The following GTSF1 variants were observed in gnomAD, a reference collection of about 807,000 sequenced individuals.
GTSF1 encodes the protein gametocyte specific factor 1, also known as gametocyte-specific factor 1.
Under a neutral mutation model 28.9 loss-of-function variants are expected in GTSF1, and 11 were observed. The ratio of observed to expected loss-of-function variants is 0.38; its 90% CI spans 0.24 to 0.63. The LOEUF (loss-of-function observed/expected upper bound fraction) is 0.63. GTSF1 is among the 30% of genes least tolerant of loss of function. The pLI, the probability that GTSF1 is intolerant of heterozygous loss-of-function variation, is 0.56. For missense variants in GTSF1, 146 were observed against 201.0 expected, an observed-to-expected ratio of 0.73 and a Z score of 1.66; for synonymous variants, 69 against 65.6, an observed-to-expected ratio of 1.05 and a Z score of -0.25.
rs780857557 is a variant in GTSF1 at position 54,462,711 on chromosome 12, T to C, written c.259A>G (p.Ser87Gly). ...IEQDVVNQTR[S>G]LRQETLAEST... ...TCAGCCAGAGTCTCTTGTCTAAGGC[T>C]CCTGGTTTGGTTGACTGCAAGACAA... The change falls in exon 5 of 9, where the codon AGC becomes GGC. Residue 87 changes from serine to glycine, a missense_variant. Transcript: ENST00000305879. 6 of 1,613,960 alleles carry C rather than the reference T, an allele frequency of 3.7e-6. No homozygotes were observed. The South Asian group carries it at 5.5e-5, about 15-fold the overall frequency.
At chr12:54,465,225 G>T in intron 2 of GTSF1, 58 bp from the exon 3 acceptor site, 1 of 1,097,544 alleles carries the variant, frequency 9.1e-7, no homozygotes, top group Non-Finnish European at 1.4e-6. Flanking sequence ...TAAAACTACA[G>T]CATTCCAGGC....
At chr12:54,465,625 T>C (rs935594116) in intron 2 of GTSF1, among the ~76,000 whole-genome samples, 1 of 152,036 alleles carries the variant, frequency 6.6e-6, no homozygotes, top group Admixed American at 6.6e-5. Flanking sequence ...CTACCCCCCA[T>C]TTCCACAGGC....
At chr12:54,459,174 C>T (rs1343401228) in intron 7 of GTSF1, 49 bp from the exon 8 acceptor site, 6 of 1,553,080 alleles carry the variant, frequency 3.9e-6, no homozygotes, top group Non-Finnish European at 4.4e-6. Flanking sequence ...AATTGAAATT[C>T]ACTCCATCCC....
At chr12:54,461,772 T>C (rs1298743175) in intron 6 of GTSF1, among the ~76,000 whole-genome samples, 3 of 152,166 alleles carry the variant, frequency 2.0e-5, no homozygotes, top group Non-Finnish European at 4.4e-5. Context: ...TTACCTAAAG[T>C]AAAAATGATC....
chr12:54,468,483 A>T (rs1008929129), intron 2 of GTSF1, among the ~76,000 whole-genome samples: 2 of 152,212 alleles, frequency 1.3e-5, no homozygotes, highest in African/African-American at 4.8e-5. Flanking sequence ...TCTGTGCATT[A>T]AAAGTTGTAA....
rs1173635060 is a variant in GTSF1, at chr12:54,460,478, A to G, written c.393-7T>C. The G allele has an allele frequency of 1.2e-6, 2 of 1,608,068 alleles. No individual in the cohort carries two copies. The highest frequency in any genetic ancestry group is 1.7e-6 in the Non-Finnish European group (2 of 1,174,908). The stretch of plus-strand genomic sequence containing the variant: ...AACTATGTTGCTCGCAGGGCTGCAA[A>G]AAGATGAATTTGGCTATGTCGGCAG... On this transcript the variant is annotated splice_region_variant and splice_polypyrimidine_tract_variant and intron_variant, in intron 6 of 8. Coordinates refer to ENST00000305879, the MANE Select transcript of GTSF1 (RefSeq NM_144594.3).
chr12:54,460,463 C>T lies in GTSF1; in HGVS notation c.401G>A (p.Ser134Asn), dbSNP rs201328932. The change falls in exon 7 of 9, where the codon AGC becomes AAC. Residue 134 changes from serine (S) to asparagine (N), a missense_variant. Ser to Asn is a conservative substitution (Grantham distance 46, BLOSUM62 1). Transcript: ENST00000305879. ...ATTCTTATGTTCTGTAACTATGTTG[C>T]TCGCAGGGCTGCAAAAAGATGAATT... ...THYSDNNSPA[S>N]NIVTEHKNNL... The T allele has an allele frequency of 1.2e-6, 2 of 1,612,274 alleles. No homozygotes were observed. Among genetic ancestry groups the T allele is most frequent in the Admixed American group, 3.3e-5 (2 of 59,982 alleles).
rs186804345 is a variant in GTSF1, at chr12:54,460,466, G to T, written c.398C>A (p.Ala133Glu). 1.2e-6 allele frequency: 2 copies of T among 1,611,550 alleles called. No homozygotes were observed. Among genetic ancestry groups the T allele is most frequent in the Admixed American group, 1.7e-5 (1 of 59,986 alleles). ...CTTATGTTCTGTAACTATGTTGCTCGCAGGGCTGCAAAAAGATGAATTTGG... is the reference window on the plus strand; with the variant it reads ...CTTATGTTCTGTAACTATGTTGCTCTCAGGGCTGCAAAAAGATGAATTTGG... The part of the protein sequence containing the change: ...TTHYSDNNSP[A>E]SNIVTEHKNN... The change falls in exon 7 of 9, where the codon GCG becomes GAG. Residue 133 changes from alanine (A) to glutamate (E), a missense_variant. Ala to Glu is a moderately radical substitution (Grantham distance 107). Coordinates refer to ENST00000305879, the MANE Select transcript of GTSF1 (RefSeq NM_144594.3).
chr12:54,472,648 C>G (rs1310161599), intron 1 of GTSF1: 1 of 152,146 alleles, frequency 6.6e-6, no homozygotes. Flanking sequence ...AGAGCATGCT[C>G]TCCTTTGGCC....
chr12:54,473,498 A>C (rs1226695688), intron 1 of GTSF1, 48 bp downstream of exon 1: 1 of 152,324 alleles, frequency 6.6e-6, no homozygotes, highest in East Asian at 1.9e-4. Context: ...GTATCCCGGT[A>C]CGCAAAATAG....
intron 3 of GTSF1, 30 bp from the exon 4 acceptor site, chr12:54,463,327 G>C (rs1956453734): frequency 6.2e-7 from 1 of 1,612,000 alleles, no homozygotes; most frequent in African/African-American, 1.3e-5. Context: ...GGATCTGTCA[G>C]TTCTCTGGAT....
At chr12:54,457,525 CT>C (rs1024748938) in intron 8 of GTSF1, among the ~76,000 whole-genome samples, 3 of 152,202 alleles carry the variant, frequency 2.0e-5, no homozygotes, top group African/African-American at 7.2e-5. Flanking sequence ...AGCAATCCCC[CT>C]GTCTTGGTCT....
intron 2 of GTSF1, 42 bp from the exon 3 acceptor site, chr12:54,465,209 C>A: frequency 7.3e-7 from 1 of 1,361,494 alleles, no homozygotes; most frequent in Non-Finnish European, 1.1e-6. Context: ...CGATAATAGG[C>A]CCTTGTAAAA....
chr12:54,459,973 G>A (rs947715839), intron 7 of GTSF1, among the ~76,000 whole-genome samples: 3 of 121,924 alleles, frequency 2.5e-5, no homozygotes, highest in Non-Finnish European at 5.3e-5. Flanking sequence ...TGATCCGCCC[G>A]CCTCGGCCTC....
At chr12:54,457,937 ATC>A (rs1956360125) in intron 8 of GTSF1, among the ~76,000 whole-genome samples, 1 of 152,252 alleles carries the variant, frequency 6.6e-6, no homozygotes, top group Non-Finnish European at 1.5e-5. Context: ...AACTTTTAGC[ATC>A]TCTTTTCTGC....
At chr12:54,468,186 G>A (rs1230070827) in intron 2 of GTSF1, among the ~76,000 whole-genome samples, 1 of 152,206 alleles carries the variant, frequency 6.6e-6, no homozygotes, top group African/African-American at 2.4e-5. Flanking sequence ...GGACAGTGCA[G>A]TGGTGCGATC....
intron 7 of GTSF1, chr12:54,459,372 A>G: frequency 7.1e-7 from 1 of 1,415,102 alleles, no homozygotes; most frequent in Non-Finnish European, 9.3e-7. Context: ...GTATCCAGGG[A>G]GAAACGTTTT....
Position 54,473,530 on chromosome 12 carries a change from G to A in GTSF1, c.-30+16C>T, listed in dbSNP as rs1037933619. The A allele has an allele frequency of 7.2e-5, 11 of 152,276 alleles. No homozygotes were observed. The highest frequency in any genetic ancestry group is 1.3e-4 in the Non-Finnish European group (9 of 68,024). 9.4% of individuals were successfully genotyped at this position (152,276 alleles called of 1,614,324 possible). On this transcript the variant is annotated intron_variant, in intron 1 of 8. Coordinates refer to ENST00000305879, the MANE Select transcript of GTSF1 (RefSeq NM_144594.3). ...ATAGGAATTGCTTAGAGGCGCCCCGGGGTGCCTTTCCTTACCTCGGTGGAC... is the reference window on the plus strand; with the variant it reads ...ATAGGAATTGCTTAGAGGCGCCCCGAGGTGCCTTTCCTTACCTCGGTGGAC...
chr12:54,468,540 AAT>A (rs1458239989), intron 2 of GTSF1, among the ~76,000 whole-genome samples: 19 of 152,320 alleles, frequency 1.2e-4, no homozygotes, highest in Middle Eastern at 3.4e-3. Context: ...GCTTCCTGGG[AAT>A]ATAATTTACT....
Sources: gnomAD v4.1 joint callset for allele counts (sites outside exome capture counted in the v4.1 genomes callset) on GRCh38, gnomAD v4.1.1 for gene constraint, MANE v1.5 for transcripts, NCBI Gene and HGNC (gene_info 2026-07-23, HGNC 2026-07-21) for gene names.